SPOCK1: variants seen among roughly 807,000 people sequenced by gnomAD.
SPOCK1 encodes SPARC (osteonectin), cwcv and kazal like domains proteoglycan 1, also known as testican-1.
In SPOCK1, 23 loss-of-function variants were observed where a neutral mutation model predicts 55.3. The observed-to-expected ratio is 0.42, with a 90% CI of 0.30 to 0.59. The LOEUF (loss-of-function observed/expected upper bound fraction) is 0.59. Ranked by LOEUF, SPOCK1 falls within the 20% of genes least tolerant of loss-of-function variation. SPOCK1 has a pLI of 0.22. For synonymous variants in SPOCK1, 226 were observed against 221.0 expected (o/e 1.02, Z -0.20); for missense variants, 499 against 552.5 (o/e 0.90, Z 0.97).
intron 6 of SPOCK1, among the ~76,000 whole-genome samples, chr5:137,024,315 G>GTT (rs1554093475): frequency 1.2e-4 from 1 of 8,320 alleles, no homozygotes; most frequent in African/African-American, 2.2e-4. Flanking sequence ...CCAGTTTGAA[G>GTT]GGGGGGGGGT....
At chr5:137,321,406 C>T (rs1757980145) in intron 2 of SPOCK1, among the ~76,000 whole-genome samples, 1 of 151,992 alleles carries the variant, frequency 6.6e-6, no homozygotes, top group South Asian at 2.1e-4. Flanking sequence ...CAAAAAAGTC[C>T]ACACTGAGAT....
intron 2 of SPOCK1, among the ~76,000 whole-genome samples, chr5:137,452,695 T>C (rs908925893): frequency 2.0e-5 from 3 of 152,222 alleles, no homozygotes; most frequent in Admixed American, 6.5e-5. Context: ...ATGGTACTTG[T>C]ATTTTTATTA....
At chr5:137,031,757 C>G (rs1290489615) in intron 6 of SPOCK1, among the ~76,000 whole-genome samples, 1 of 152,036 alleles carries the variant, frequency 6.6e-6, no homozygotes, top group Non-Finnish European at 1.5e-5. Flanking sequence ...ATACCAAGTC[C>G]TCAAAGCCTA....
chr5:137,336,674 C>T (rs1289172022), intron 2 of SPOCK1, among the ~76,000 whole-genome samples: 7 of 152,170 alleles, frequency 4.6e-5, no homozygotes, highest in Admixed American at 3.9e-4. Flanking sequence ...AAACTACCCT[C>T]TCTGCCTCCT....
At position 137,471,329 on chromosome 5, in the gene SPOCK1, T is replaced by TTTTG. The variant is rs553400748; in HGVS notation, c.186+27040_186+27043dup. Among the ~76,000 whole-genome samples, 10 of 152,326 alleles carry TTTTG rather than the reference T, an allele frequency of 6.6e-5. No individual in the cohort carries two copies. In the South Asian group the frequency reaches 1.9e-3, roughly 28 times the overall value. On this transcript the variant is annotated intron_variant, in intron 2 of 10. Transcript: ENST00000394945. ...AAATTAGTTGTGTATTTTTATCTTTTTTTGTTTGTTTGTTTGTTTTTGTTT... is the reference window on the plus strand; with the variant it reads ...AAATTAGTTGTGTATTTTTATCTTTTTTTGTTTGTTTGTTTGTTTGTTTTTGTTT...
intron 3 of SPOCK1, among the ~76,000 whole-genome samples, chr5:137,166,939 G>A (rs938107385): frequency 9.9e-5 from 15 of 151,914 alleles, no homozygotes; most frequent in African/African-American, 3.4e-4. Flanking sequence ...GAGGCAAATA[G>A]CAAAACGGCA....
At position 137,427,927 on chromosome 5, in the gene SPOCK1, A is replaced by AG. The variant is rs35315745; in HGVS notation, c.186+70445dup. ...CCGTCTAAAAAAAAAAAAAAAAAAA[A>AG]GGCAGAAACTTTGGCTACTCAGCAA... On this transcript the variant is annotated intron_variant, in intron 2 of 10. Transcript: ENST00000394945. 7.0e-4 allele frequency among the ~76,000 whole-genome samples: 106 copies of AG among 150,554 alleles called. 1 individual carries two copies. The highest frequency in any genetic ancestry group is 6.9e-3 in the Admixed American group (104 of 15,094).
At chr5:137,197,387 C>T (rs1755321316) in intron 3 of SPOCK1, among the ~76,000 whole-genome samples, 1 of 152,160 alleles carries the variant, frequency 6.6e-6, no homozygotes, top group South Asian at 2.1e-4. Flanking sequence ...TGAATTCCAG[C>T]TCTGCAGTGC....
chr5:137,082,582 A>C (rs1216811548), intron 5 of SPOCK1, among the ~76,000 whole-genome samples: 2 of 152,220 alleles, frequency 1.3e-5, no homozygotes, highest in African/African-American at 4.8e-5. Context: ...ATGAGGATGC[A>C]TAACAAGCAT....
chr5:136,978,905 G>A (rs1750670793), intron 10 of SPOCK1, 61 bp from the exon 11 acceptor site: 3 of 1,508,010 alleles, frequency 2.0e-6, no homozygotes, highest in Admixed American at 4.5e-5. Flanking sequence ...CCCACGTCAG[G>A]GGTTCCTTTG....
chr5:137,207,104 G>T (rs954460018), intron 3 of SPOCK1, among the ~76,000 whole-genome samples: 2 of 152,208 alleles, frequency 1.3e-5, no homozygotes, highest in Admixed American at 6.5e-5. Flanking sequence ...GATTTTCCCA[G>T]CTCCAGTCTC....
chr5:137,238,775 A>G (rs1472503596), intron 3 of SPOCK1, among the ~76,000 whole-genome samples: 1 of 152,222 alleles, frequency 6.6e-6, no homozygotes, highest in Non-Finnish European at 1.5e-5. Flanking sequence ...ATTTTTCTCT[A>G]TTACAAAGCT....
intron 2 of SPOCK1, among the ~76,000 whole-genome samples, chr5:137,433,410 A>T (rs1473686958): frequency 6.6e-6 from 1 of 152,214 alleles, no homozygotes; most frequent in Non-Finnish European, 1.5e-5. Context: ...ATGTGTTTGC[A>T]TCCACAGCAC....
chr5:137,185,595 T>A lies in SPOCK1; in HGVS notation c.233-44901A>T, dbSNP rs1436509976. 2.0e-5 allele frequency among the ~76,000 whole-genome samples: 3 copies of A among 152,202 alleles called. 1 individual carries two copies. Among genetic ancestry groups the A allele is most frequent in the Non-Finnish European group, 4.4e-5 (3 of 68,030 alleles). The stretch of plus-strand genomic sequence containing the variant: ...CATCACTTTTCCATCTAGGGCCTTC[T>A]GAGGCTCCTAAGTCTTAATAAAATA... On this transcript the variant is annotated intron_variant, in intron 3 of 10. Coordinates refer to ENST00000394945, the MANE Select transcript of SPOCK1 (RefSeq NM_004598.4).
Position 136,978,544 on chromosome 5 carries a change from G to T in SPOCK1, c.*110C>A. 8.2e-7 allele frequency: 1 copy of T among 1,226,198 alleles called. No individual in the cohort carries two copies. The highest frequency in any genetic ancestry group is 1.1e-6 in the Non-Finnish European group (1 of 882,572). The allele number at this position is 1,226,198 out of a possible 1,614,324, so 76.0% of individuals were successfully genotyped here. On this transcript the variant is annotated 3_prime_UTR_variant, in exon 11 of 11. Coordinates refer to ENST00000394945, the MANE Select transcript of SPOCK1 (RefSeq NM_004598.4). ...TTCCAAACCTTAGGTCGGGTATAGA[G>T]AGCAACAATGGAGAAGAGACCTTGG...
chr5:137,233,469 T>C (rs1413491710), intron 3 of SPOCK1, among the ~76,000 whole-genome samples: 1 of 152,116 alleles, frequency 6.6e-6, no homozygotes, highest in Non-Finnish European at 1.5e-5. Context: ...CAGGCAGTGA[T>C]GCAAGCAATG....
chr5:137,234,787 T>C (rs535585285), intron 3 of SPOCK1, among the ~76,000 whole-genome samples: 98 of 152,262 alleles, frequency 6.4e-4, no homozygotes, highest in Admixed American at 1.4e-3. Flanking sequence ...AAAAACACCA[T>C]GTTCACCAAC....
At chr5:137,022,948 GCT>G (rs1329167909) in intron 6 of SPOCK1, among the ~76,000 whole-genome samples, 3 of 152,280 alleles carry the variant, frequency 2.0e-5, no homozygotes, top group Non-Finnish European at 4.4e-5. Context: ...CTCTGAGTTT[GCT>G]CTTTCTTTCC....
chr5:137,181,539 G>A (rs886836705), intron 3 of SPOCK1, among the ~76,000 whole-genome samples: 1 of 152,200 alleles, frequency 6.6e-6, no homozygotes. Flanking sequence ...CAGTCACAGG[G>A]CTGGACTTGG....
Sources: gnomAD v4.1 joint callset for allele counts (sites outside exome capture counted in the v4.1 genomes callset) on GRCh38, gnomAD v4.1.1 for gene constraint, MANE v1.5 for transcripts, NCBI Gene and HGNC (gene_info 2026-07-23, HGNC 2026-07-21) for gene names.